Variants in IMMP2L observed in about 807,000 individuals in gnomAD.
IMMP2L encodes the protein mitochondrial inner membrane protease subunit 2.
A neutral mutation model predicts 19.3 loss-of-function variants in IMMP2L; 18 were observed. That is an observed-to-expected ratio of 0.93 (90% CI 0.64 to 1.38). The LOEUF (loss-of-function observed/expected upper bound fraction) is 1.38, where lower values mean the gene tolerates loss of function less well. IMMP2L is among the 40% of genes most tolerant of loss of function. IMMP2L has a pLI of 0.00. For synonymous variants in IMMP2L, 76 were observed against 73.0 expected, an observed-to-expected ratio of 1.04 and a Z score of -0.21; for missense variants, 233 against 218.2, an observed-to-expected ratio of 1.07 and a Z score of -0.43.
intron 3 of IMMP2L, among the ~76,000 whole-genome samples, chr7:111,181,425 T>C (rs1348197641): frequency 6.6e-6 from 1 of 152,056 alleles, no homozygotes; most frequent in Non-Finnish European, 1.5e-5. Flanking sequence ...GGATCTTCCC[T>C]GTCTTGTTCA....
chr7:111,515,593 GC>G (rs1175982392), intron 2 of IMMP2L, among the ~76,000 whole-genome samples: 14 of 152,022 alleles, frequency 9.2e-5, no homozygotes, highest in African/African-American at 3.4e-4. Context: ...AATTTCCCTT[GC>G]TTCCCTGCAA....
At chr7:110,975,512 C>T (rs1820597585) in intron 3 of IMMP2L, among the ~76,000 whole-genome samples, 3 of 152,120 alleles carry the variant, frequency 2.0e-5, no homozygotes, top group Admixed American at 2.0e-4. Context: ...AGCTCAATTG[C>T]TTTATTACCT....
At chr7:111,031,867 C>T (rs1790858234) in intron 3 of IMMP2L, among the ~76,000 whole-genome samples, 2 of 151,474 alleles carry the variant, frequency 1.3e-5, no homozygotes, top group South Asian at 2.1e-4. Context: ...TGAAAAGGCA[C>T]TTTACCTCTG....
At chr7:111,124,261 A>T in intron 3 of IMMP2L, 1 of 1,614,040 alleles carries the variant, frequency 6.2e-7, no homozygotes, top group Non-Finnish European at 8.5e-7. Context: ...ATATACTTGT[A>T]TAGCAACTAA....
At chr7:110,775,384 G>A (rs376807686) in intron 5 of IMMP2L, among the ~76,000 whole-genome samples, 1 of 151,742 alleles carries the variant, frequency 6.6e-6, no homozygotes, top group South Asian at 2.1e-4. Flanking sequence ...AGTGTCACCC[G>A]AAACAGAAAA....
chr7:110,791,752 A>G (rs977861846), intron 5 of IMMP2L, among the ~76,000 whole-genome samples: 1 of 151,772 alleles, frequency 6.6e-6, no homozygotes, highest in Non-Finnish European at 1.5e-5. Flanking sequence ...CTGAGAGGAG[A>G]CCCTAGCCTG....
chr7:111,270,693 G>A (rs1385557630), intron 3 of IMMP2L, among the ~76,000 whole-genome samples: 3 of 152,080 alleles, frequency 2.0e-5, no homozygotes, highest in African/African-American at 7.2e-5. Flanking sequence ...ATTTCTACAT[G>A]ATGCCTATAT....
chr7:111,341,629 T>C (rs376943993), intron 3 of IMMP2L, among the ~76,000 whole-genome samples: 2 of 152,146 alleles, frequency 1.3e-5, no homozygotes, highest in South Asian at 2.1e-4. Flanking sequence ...TGATAACATA[T>C]GAAATATTTA....
intron 3 of IMMP2L, among the ~76,000 whole-genome samples, chr7:111,330,710 A>T (rs559331677): frequency 1.3e-5 from 2 of 152,048 alleles, no homozygotes; most frequent in South Asian, 4.1e-4. Flanking sequence ...ATGTACATAA[A>T]GCTCAAATGA....
chr7:111,205,016 C>G (rs1026659058), intron 3 of IMMP2L, among the ~76,000 whole-genome samples: 1 of 152,164 alleles, frequency 6.6e-6, no homozygotes, highest in Non-Finnish European at 1.5e-5. Context: ...TCTTACAGTT[C>G]TGGAGGCTGA....
chr7:110,953,950 CT>C (rs1185320180), intron 4 of IMMP2L, among the ~76,000 whole-genome samples: 5 of 152,096 alleles, frequency 3.3e-5, no homozygotes, highest in Admixed American at 2.6e-4. Context: ...TGTTTGTTGG[CT>C]GCATAAATGT....
intron 3 of IMMP2L, chr7:111,392,747 C>A (rs528763883): frequency 6.6e-6 from 3 of 456,532 alleles, no homozygotes; most frequent in African/African-American, 4.0e-5. Flanking sequence ...CCCCTCACTT[C>A]AGGTTCAGTA....
chr7:111,232,289 A>C (rs1394755075), intron 3 of IMMP2L, among the ~76,000 whole-genome samples: 2 of 151,972 alleles, frequency 1.3e-5, no homozygotes, highest in Non-Finnish European at 2.9e-5. Flanking sequence ...TAGGAGAATA[A>C]AGAATTCACA....
intron 3 of IMMP2L, among the ~76,000 whole-genome samples, chr7:111,318,302 TGGAGAA>T (rs1824322535): frequency 6.6e-6 from 1 of 152,054 alleles, no homozygotes; most frequent in Admixed American, 6.6e-5. Flanking sequence ...TGGAAGCCAA[TGGAGAA>T]CTCAGGTTCC....
At chr7:110,973,886 A>G (rs1249945068) in intron 3 of IMMP2L, among the ~76,000 whole-genome samples, 1 of 152,106 alleles carries the variant, frequency 6.6e-6, no homozygotes, top group African/African-American at 2.4e-5. Flanking sequence ...TTGCTCAAAC[A>G]TGACCAACAA....
chr7:111,557,591 C>G (rs1391509189), intron 1 of IMMP2L, among the ~76,000 whole-genome samples: 1 of 152,146 alleles, frequency 6.6e-6, no homozygotes, highest in Non-Finnish European at 1.5e-5. Flanking sequence ...CTACTAAAAC[C>G]CTTACCTGGT....
chr7:111,039,544 C>T (rs1385155504), intron 3 of IMMP2L, among the ~76,000 whole-genome samples: 3 of 152,102 alleles, frequency 2.0e-5, no homozygotes, highest in Non-Finnish European at 4.4e-5. Flanking sequence ...GTATAGATAG[C>T]GCAATTCAAA....
At chr7:111,417,103 T>C (rs1042971616) in intron 3 of IMMP2L, among the ~76,000 whole-genome samples, 2 of 151,762 alleles carry the variant, frequency 1.3e-5, no homozygotes, top group Non-Finnish European at 2.9e-5. Flanking sequence ...ATTTCTATCA[T>C]TGAAGAAACA....
At chr7:110,976,379 C>T (rs1820702793) in intron 3 of IMMP2L, among the ~76,000 whole-genome samples, 1 of 151,956 alleles carries the variant, frequency 6.6e-6, no homozygotes, top group Non-Finnish European at 1.5e-5. Flanking sequence ...TTTCATTTAG[C>T]ATAACGTCTT....
Sources: allele counts gnomAD v4.1 joint callset (sites outside exome capture counted in the v4.1 genomes callset), GRCh38; gene constraint gnomAD v4.1.1; transcripts MANE v1.5; gene names NCBI Gene and HGNC (gene_info 2026-07-23, HGNC 2026-07-21).